Variants in ATP13A3 observed in about 807,000 individuals in gnomAD.
ATP13A3 encodes the protein polyamine-transporting ATPase 13A3.
In ATP13A3, 59 loss-of-function variants were observed where a neutral mutation model predicts 158.1. The ratio of observed to expected loss-of-function variants is 0.37; its 90% confidence interval spans 0.30 to 0.46. ATP13A3 has a LOEUF of 0.46. Ranked by LOEUF, ATP13A3 falls within the 20% of genes least tolerant of loss-of-function variation. The pLI is 1.00. For synonymous variants in ATP13A3, 491 were observed against 504.3 expected, an observed-to-expected ratio of 0.97 and a Z score of 0.35; for missense variants, 1,166 against 1,525.2, an observed-to-expected ratio of 0.76 and a Z score of 3.92.
upstream of ATP13A3, among the ~76,000 whole-genome samples, chr3:194,488,924 G>A (rs1409147507): frequency 3.9e-5 from 6 of 152,262 alleles, no homozygotes; most frequent in African/African-American, 1.4e-4. This position sits in a 1 kb window ranked among gnomAD's most constrained non-coding sequence, Gnocchi z 4.1. Flanking sequence ...ATATCCAATT[G>A]CCTGCCAGGC....
intron 2 of ATP13A3, among the ~76,000 whole-genome samples, chr3:194,473,833 G>A (rs184897122): frequency 1.9e-3 from 292 of 152,276 alleles, no homozygotes; most frequent in African/African-American, 6.8e-3. Context: ...TAAGGAGAAT[G>A]AGTTAAATCT....
At position 194,409,693 on chromosome 3, in the gene ATP13A3, ATT is replaced by A. The variant is rs71179358; in HGVS notation, c.3573+2504_3573+2505del. 2.2e-4 allele frequency among the ~76,000 whole-genome samples: 21 copies of A among 93,996 alleles called. No individual in the cohort carries two copies. The South Asian group carries it at 4.0e-3, about 18-fold the overall frequency. 61.7% of individuals were successfully genotyped at this position (93,996 alleles called of 152,430 possible). On this transcript the variant is annotated intron_variant, in intron 33 of 33. Transcript: ENST00000645319. ...TGCTTGATAATCACTGACGTAAAGA[ATT>A]TTTTTTTTTTTTTTTTTTTTTTTTT...
chr3:194,434,761 G>GA (rs1717499229), intron 20 of ATP13A3, among the ~76,000 whole-genome samples: 1 of 151,900 alleles, frequency 6.6e-6, no homozygotes, highest in Admixed American at 6.6e-5. Flanking sequence ...TACAAAAAAT[G>GA]AAAAAACAAT....
chr3:194,443,271 G>A (rs796779274), intron 15 of ATP13A3, among the ~76,000 whole-genome samples: 55 of 152,238 alleles, frequency 3.6e-4, no homozygotes, highest in African/African-American at 1.3e-3. Flanking sequence ...TGGGGGGCAG[G>A]GGAGTGGTTA....
intron 16 of ATP13A3, 135 bp from the exon 17 acceptor site, chr3:194,439,107 G>A: frequency 3.6e-6 from 2 of 554,468 alleles, no homozygotes; most frequent in South Asian, 2.7e-5. Flanking sequence ...GTATGTCCAA[G>A]GAACAAATGA....
chr3:194,489,912 C>T (rs758565068), upstream of ATP13A3, among the ~76,000 whole-genome samples: 17 of 152,044 alleles, frequency 1.1e-4, no homozygotes, highest in Non-Finnish European at 2.1e-4. The surrounding 1 kb of genome is among the most constrained non-coding windows in gnomAD (Gnocchi z 4.1). Flanking sequence ...GGGAGTGGAA[C>T]AGTCTGGAGA....
At chr3:194,489,679 G>A (rs1034648487), upstream of ATP13A3, among the ~76,000 whole-genome samples, 1 of 152,118 alleles carries the variant, frequency 6.6e-6, no homozygotes, top group Admixed American at 6.6e-5. The surrounding 1 kb of genome is among the most constrained non-coding windows in gnomAD (Gnocchi z 4.1). Context: ...CCAAAGTAAG[G>A]CAACATACAG....
intron 2 of ATP13A3, among the ~76,000 whole-genome samples, chr3:194,475,062 A>G (rs536812594): frequency 6.6e-6 from 1 of 152,324 alleles, no homozygotes; most frequent in African/African-American, 2.4e-5. Flanking sequence ...CTAGGATGAG[A>G]AAAAGGGGAT....
At position 194,437,348 on chromosome 3, in the gene ATP13A3, C is replaced by T. The variant is rs560514729; in HGVS notation, c.1962G>A (p.Ala654=). The change falls in exon 19 of 34, where the codon GCG becomes GCA. Residue 654 remains alanine (A), a synonymous_variant. Coordinates refer to ENST00000645319, the MANE Select transcript of ATP13A3 (RefSeq NM_001367549.1). The stretch of plus-strand genomic sequence containing the variant: ...TACAGAGACCGGCAATGGCCTCGGG[C>T]GCTCCTTTCATGTAGGCGTCCATTT... ...DRKMDAYMKG[A]PEAIAGLCKP... 2.4e-5 allele frequency: 38 copies of T among 1,614,202 alleles called. No homozygotes were observed. The East Asian group carries it at 2.9e-4, about 12-fold the overall frequency.
rs369057743 is a variant in ATP13A3 at position 194,447,580 on chromosome 3, GT to G, written c.1308+271del. Among the ~76,000 whole-genome samples the G allele has an allele frequency of 1.5e-3, 216 of 142,628 alleles. 2 individuals are homozygous for G. Among genetic ancestry groups the G allele is most frequent in the Admixed American group, 1.6e-3 (23 of 14,254 alleles). 93.6% of individuals were successfully genotyped at this position (142,628 alleles called of 152,430 possible). ...ATTATGTGGGGGGGTTTTTTTTCCT[GT>G]TTTTTTTTTTTAAAGTCACAAGACC... On this transcript the variant is annotated intron_variant, in intron 13 of 33. Coordinates refer to ENST00000645319, the MANE Select transcript of ATP13A3 (RefSeq NM_001367549.1).
intron 16 of ATP13A3, 107 bp downstream of exon 16, chr3:194,441,204 A>T: frequency 1.1e-6 from 1 of 889,072 alleles, no homozygotes; most frequent in Non-Finnish European, 1.7e-6. Context: ...AGGGTACAAG[A>T]TAGACTGTCA....
chr3:194,482,009 G>A (rs1194353760), intron 2 of ATP13A3, among the ~76,000 whole-genome samples: 1 of 152,232 alleles, frequency 6.6e-6, no homozygotes, highest in East Asian at 1.9e-4. Context: ...GATGTTAACA[G>A]ATATGGTATT....
rs192022609 is a variant in ATP13A3, at chr3:194,493,603, C to T, written n.746+447G>A. ...GGAGGTTTGCAGTGAGCTGAGATCA[C>T]GCCACTGCACTCCAGCCTGGCAAGA... On this transcript the variant is annotated intron_variant and non_coding_transcript_variant, in intron 2 of 32. Coordinates refer to the ATP13A3 transcript ENST00000687055. 3.4e-3 allele frequency among the ~76,000 whole-genome samples: 508 copies of T among 150,774 alleles called. 1 individual carries two copies. The highest frequency in any genetic ancestry group is 4.8e-3 in the Non-Finnish European group (327 of 67,470).
intron 6 of ATP13A3, among the ~76,000 whole-genome samples, chr3:194,457,834 G>T (rs1353886171): frequency 7.1e-6 from 1 of 140,684 alleles, no homozygotes; most frequent in East Asian, 2.0e-4. Flanking sequence ...TCGCCAGGCT[G>T]GAGTGCAGTG....
chr3:194,477,863 C>T (rs557835253), intron 2 of ATP13A3, among the ~76,000 whole-genome samples: 1 of 152,176 alleles, frequency 6.6e-6, no homozygotes, highest in Non-Finnish European at 1.5e-5. Context: ...GCAGACACTA[C>T]CATCCTACAG....
At position 194,494,247 on chromosome 3, in the gene ATP13A3, C is replaced by T. The variant is rs917573628; in HGVS notation, n.549G>A. The stretch of plus-strand genomic sequence containing the variant: ...CCTCAGCCACATCTGGATCCTCAGC[C>T]CCTCACAGCACACAGCGGTAGTCAG... On this transcript the variant is annotated non_coding_transcript_exon_variant, in exon 2 of 33. Transcript: ENST00000687055. This position sits in a 1 kb window ranked among gnomAD's most constrained non-coding sequence, Gnocchi z 4.2. The T allele has an allele frequency of 5.0e-6, 2 of 398,620 alleles. No homozygotes were observed. The highest frequency in any genetic ancestry group is 8.8e-6 in the Non-Finnish European group (2 of 226,104). 24.7% of individuals were successfully genotyped at this position (398,620 alleles called of 1,614,324 possible).
Position 194,459,543 on chromosome 3 carries a change from T to G in ATP13A3, c.409-2A>C. 2 of 1,600,618 alleles carry G rather than the reference T, an allele frequency of 1.2e-6. No individual in the cohort carries two copies. The highest frequency in any genetic ancestry group is 1.7e-6 in the Non-Finnish European group (2 of 1,168,712). On this transcript the variant is annotated splice_acceptor_variant, in intron 5 of 33. Coordinates refer to ENST00000645319, the MANE Select transcript of ATP13A3 (RefSeq NM_001367549.1). LOFTEE classifies it high-confidence loss of function. ...ACTATGGTGGGTGAAATAACGAATC[T>G]GTGGAACACAAATAAACGTTACACC... is the stretch of plus-strand genomic sequence containing the variant.
chr3:194,415,661 C>CTTT (rs751005733), intron 31 of ATP13A3, among the ~76,000 whole-genome samples: 1,154 of 90,918 alleles, frequency 0.013, 185 homozygotes, highest in African/African-American at 0.051. Flanking sequence ...ATACCACATT[C>CTTT]TTTTTTTTTT....
intron 2 of ATP13A3, among the ~76,000 whole-genome samples, chr3:194,466,124 T>C (rs1719975674): frequency 6.6e-6 from 1 of 152,140 alleles, no homozygotes; most frequent in Non-Finnish European, 1.5e-5. Flanking sequence ...AAAAAATTTA[T>C]AGCACTAAAT....
Sources: gnomAD v4.1 joint callset for allele counts (sites outside exome capture counted in the v4.1 genomes callset) on GRCh38, gnomAD v4.1.1 for gene constraint, Gnocchi (gnomAD v3.1) non-coding constraint, MANE v1.5 for transcripts, NCBI Gene and HGNC (gene_info 2026-07-23, HGNC 2026-07-21) for gene names.